CAMKMT: variants seen among roughly 807,000 people sequenced by gnomAD.
CAMKMT encodes the protein calmodulin-lysine N-methyltransferase.
Under a neutral mutation model 48.0 loss-of-function variants are expected in CAMKMT, and 53 were observed. That is an observed-to-expected ratio of 1.10 (90% CI 0.89 to 1.39). The LOEUF (loss-of-function observed/expected upper bound fraction) is 1.39, where lower values mean the gene tolerates loss of function less well. Among genes scored for constraint, CAMKMT ranks in the 40% most tolerant of loss-of-function variants. The pLI, the probability that CAMKMT is intolerant of heterozygous loss-of-function variation, is 0.00. For synonymous variants in CAMKMT, 165 were observed against 152.3 expected, an observed-to-expected ratio of 1.08 and a Z score of -0.61; for missense variants, 428 against 402.7, an observed-to-expected ratio of 1.06 and a Z score of -0.54.
At chr2:44,381,084 C>T (rs867414010) in intron 2 of CAMKMT, among the ~76,000 whole-genome samples, 5 of 152,082 alleles carry the variant, frequency 3.3e-5, no homozygotes, top group African/African-American at 4.8e-5. Flanking sequence ...CGCTTGAACC[C>T]GGGAGACAGA....
At chr2:44,686,564 A>G (rs186996249) in intron 3 of CAMKMT, among the ~76,000 whole-genome samples, 2 of 152,360 alleles carry the variant, frequency 1.3e-5, no homozygotes, top group East Asian at 3.9e-4. Flanking sequence ...ACTTTTCTGT[A>G]AACCTAAAAT....
At position 44,674,974 on chromosome 2, in the gene CAMKMT, C is replaced by A. The variant is rs138142422; in HGVS notation, c.377-29309C>A. Among the ~76,000 whole-genome samples, 587 of 152,176 alleles carry A rather than the reference C, an allele frequency of 3.9e-3. 2 individuals carry two copies. The highest frequency in any genetic ancestry group is 0.013 in the African/African-American group (554 of 41,532). ...TCCCTCCTTTCTTAAGCTAAATCCT[C>A]TCCCTGTGGTCTTGATCCTTCTCTC... On this transcript the variant is annotated intron_variant, in intron 3 of 10. Transcript: ENST00000378494.
intron 3 of CAMKMT, among the ~76,000 whole-genome samples, chr2:44,638,855 G>C (rs1188880878): frequency 1.3e-5 from 2 of 152,152 alleles, no homozygotes; most frequent in Non-Finnish European, 2.9e-5. Flanking sequence ...AGAGGCCTTG[G>C]ACTGCCAGTT....
In CAMKMT at chr2:44,497,709, A is replaced by AAGAGAGAG. The variant is rs70937918; in HGVS notation, c.376+107431_376+107438dup. Among the ~76,000 whole-genome samples the AAGAGAGAG allele has an allele frequency of 8.2e-3, 1,141 of 138,958 alleles. 14 individuals are homozygous for AAGAGAGAG. The highest frequency in any genetic ancestry group is 0.028 in the African/African-American group (1,032 of 37,406). 91.2% of individuals were successfully genotyped at this position (138,958 alleles called of 152,430 possible). A position where few individuals can be genotyped will look rare whatever the true frequency, so the allele number is the denominator to read the frequency against. ...GTAATTTAAAAAAATTAAGCAGGCAAAGAGAGAGAGAGAGAGAGAGAGAGA... is the reference window on the plus strand; with the variant it reads ...GTAATTTAAAAAAATTAAGCAGGCAAAGAGAGAGAGAGAGAGAGAGAGAGAGAGAGAGA... On this transcript the variant is annotated intron_variant, in intron 3 of 10. Coordinates refer to ENST00000378494, the MANE Select transcript of CAMKMT (RefSeq NM_024766.5).
At chr2:44,686,934 T>C (rs1676370235) in intron 3 of CAMKMT, among the ~76,000 whole-genome samples, 1 of 152,260 alleles carries the variant, frequency 6.6e-6, no homozygotes, top group Non-Finnish European at 1.5e-5. Context: ...TATCACATTG[T>C]AAGTTGCTTT....
At chr2:44,697,458 A>G (rs1274950053) in intron 3 of CAMKMT, among the ~76,000 whole-genome samples, 1 of 152,162 alleles carries the variant, frequency 6.6e-6, no homozygotes, top group Non-Finnish European at 1.5e-5. Flanking sequence ...TAAGGTTGAT[A>G]GAACACCCAT....
chr2:44,379,168 A>G (rs2104381023), intron 2 of CAMKMT, among the ~76,000 whole-genome samples: 1 of 152,316 alleles, frequency 6.6e-6, no homozygotes, highest in African/African-American at 2.4e-5. Flanking sequence ...ATCCTACAAT[A>G]TGTGGCCCTG....
intron 3 of CAMKMT, among the ~76,000 whole-genome samples, chr2:44,501,156 C>G (rs1455517489): frequency 6.6e-6 from 1 of 150,718 alleles, no homozygotes; most frequent in East Asian, 1.9e-4. Context: ...TATATACATA[C>G]CTATGACAAA....
At chr2:44,443,879 A>G (rs1666823984) in intron 3 of CAMKMT, among the ~76,000 whole-genome samples, 1 of 152,220 alleles carries the variant, frequency 6.6e-6, no homozygotes, top group African/African-American at 2.4e-5. Flanking sequence ...TAGTGGGCTT[A>G]AAGTCTAATG....
At position 44,378,714 on chromosome 2, in the gene CAMKMT, G is replaced by A. The variant is rs1284020335; in HGVS notation, c.311+5826G>A. Among the ~76,000 whole-genome samples the A allele has an allele frequency of 3.9e-5, 6 of 152,146 alleles. No individual in the cohort carries two copies. The South Asian group carries it at 1.0e-3, about 26-fold the overall frequency. ...TCACCATGTTGGCCAGGATGGTCTC[G>A]ATCTCTTGACCTCATGATCCACCCA... is the stretch of plus-strand genomic sequence containing the variant. On this transcript the variant is annotated intron_variant, in intron 2 of 10. Transcript: ENST00000378494.
intron 2 of CAMKMT, among the ~76,000 whole-genome samples, chr2:44,375,118 G>A (rs765863046): frequency 6.6e-6 from 1 of 151,854 alleles, no homozygotes; most frequent in Non-Finnish European, 1.5e-5. Flanking sequence ...GCGATAGAGT[G>A]AGACCCCTTT....
At chr2:44,581,780 C>G (rs890576724) in intron 3 of CAMKMT, among the ~76,000 whole-genome samples, 2 of 152,186 alleles carry the variant, frequency 1.3e-5, no homozygotes, top group Non-Finnish European at 2.9e-5. Context: ...GCGGGTGGAT[C>G]ACAAAGTCAG....
At chr2:44,700,700 T>C (rs953988819) in intron 3 of CAMKMT, among the ~76,000 whole-genome samples, 7 of 152,176 alleles carry the variant, frequency 4.6e-5, no homozygotes, top group Admixed American at 4.6e-4. Context: ...TCAAAGGTCA[T>C]TGATCACAGA....
At chr2:44,464,390 A>C (rs1194431945) in intron 3 of CAMKMT, among the ~76,000 whole-genome samples, 1 of 152,226 alleles carries the variant, frequency 6.6e-6, no homozygotes, top group African/African-American at 2.4e-5. Flanking sequence ...GAGTTCTAGA[A>C]GGAGAAGAGA....
intron 3 of CAMKMT, among the ~76,000 whole-genome samples, chr2:44,578,640 A>G (rs1338500003): frequency 6.6e-6 from 1 of 152,218 alleles, no homozygotes; most frequent in Non-Finnish European, 1.5e-5. Context: ...TCCTAGTTCT[A>G]CAAGGCAAAT....
intron 3 of CAMKMT, among the ~76,000 whole-genome samples, chr2:44,595,222 A>G (rs531392467): frequency 6.6e-6 from 1 of 152,296 alleles, no homozygotes; most frequent in African/African-American, 2.4e-5. Context: ...AATTAGTTCA[A>G]CCATTGTGGA....
intron 3 of CAMKMT, among the ~76,000 whole-genome samples, chr2:44,476,471 G>A (rs1397657565): frequency 6.6e-6 from 1 of 151,892 alleles, no homozygotes; most frequent in African/African-American, 2.4e-5. Context: ...TGTGAAATGT[G>A]TTCATTTTAT....
At chr2:44,658,642 G>A (rs976209554) in intron 3 of CAMKMT, among the ~76,000 whole-genome samples, 1 of 152,108 alleles carries the variant, frequency 6.6e-6, no homozygotes, top group African/African-American at 2.4e-5. Flanking sequence ...CCCTCTGGCC[G>A]ACTCCATTTC....
At chr2:44,586,411 T>C (rs1669863497) in intron 3 of CAMKMT, among the ~76,000 whole-genome samples, 1 of 152,152 alleles carries the variant, frequency 6.6e-6, no homozygotes, top group Non-Finnish European at 1.5e-5. Context: ...CCCCAAAAGT[T>C]TTCCCCTGCT....
Sources: allele counts gnomAD v4.1 joint callset (sites outside exome capture counted in the v4.1 genomes callset), GRCh38; gene constraint gnomAD v4.1.1; transcripts MANE v1.5; gene names NCBI Gene and HGNC (gene_info 2026-07-23, HGNC 2026-07-21).